The following ANO2 variants were observed in gnomAD, a reference collection of about 807,000 sequenced individuals.
ANO2 encodes the protein anoctamin 2, also known as anoctamin-2.
In ANO2, 101 loss-of-function variants were observed where a neutral mutation model predicts 124.2. That is an observed-to-expected ratio of 0.81 (90% confidence interval 0.69 to 0.96). The LOEUF is 0.96. ANO2 is among the 40% of genes least tolerant of loss of function. The probability of loss-of-function intolerance (pLI) is 0.00; values close to 1 mark genes in which losing one functional copy is unlikely to be tolerated. For missense variants in ANO2, 1,293 were observed against 1,274.5 expected, an observed-to-expected ratio of 1.01 and a Z score of -0.22; for synonymous variants, 486 against 482.5, an observed-to-expected ratio of 1.01 and a Z score of -0.09.
intron 3 of ANO2, among the ~76,000 whole-genome samples, chr12:5,857,556 A>G (rs1049652553): frequency 3.9e-5 from 6 of 152,038 alleles, no homozygotes; most frequent in African/African-American, 1.5e-4. Flanking sequence ...CTTTTTTATA[A>G]TAGCCATTCT....
At chr12:5,599,458 T>A (rs756263612) in intron 20 of ANO2, 26 bp downstream of exon 20, 2 of 1,580,662 alleles carry the variant, frequency 1.3e-6, no homozygotes, top group East Asian at 4.5e-5. Context: ...CTGCCCCCAG[T>A]GGAAGGCAGG....
chr12:5,754,057 C>A (rs1014399612), intron 10 of ANO2, among the ~76,000 whole-genome samples: 1 of 152,142 alleles, frequency 6.6e-6, no homozygotes, highest in African/African-American at 2.4e-5. Context: ...TCCTTCTATT[C>A]CTAATTCATT....
chr12:5,875,739 GAGGCT>G (rs1237036149), intron 3 of ANO2, among the ~76,000 whole-genome samples: 1 of 152,060 alleles, frequency 6.6e-6, no homozygotes, highest in Non-Finnish European at 1.5e-5. Flanking sequence ...TGAGCTCAGA[GAGGCT>G]ATGAATTGTT....
At chr12:5,743,512 C>T (rs770653467) in intron 12 of ANO2, among the ~76,000 whole-genome samples, 3 of 151,018 alleles carry the variant, frequency 2.0e-5, no homozygotes, top group Non-Finnish European at 4.4e-5. Flanking sequence ...TGTGTGTTTA[C>T]AGTCAGCTAC....
rs1342086648 is a variant in ANO2 at position 5,925,380 on chromosome 12, G to C, written c.23-2576C>G. Reference sequence around the variant, plus strand: ...CCCCCGGCTCGCTCTCTGACACACGGATCCGGCTGCCTGGGAACTCTGCTT... The same window carrying C: ...CCCCCGGCTCGCTCTCTGACACACGCATCCGGCTGCCTGGGAACTCTGCTT... On this transcript the variant is annotated intron_variant, in intron 1 of 24. Transcript: ENST00000682330. This position sits in a 1 kb window ranked among gnomAD's most constrained non-coding sequence, Gnocchi z 4.6. Among the ~76,000 whole-genome samples the C allele has an allele frequency of 6.6e-6, 1 of 152,186 alleles. No homozygotes were observed. Among genetic ancestry groups the C allele is most frequent in the Non-Finnish European group, 1.5e-5 (1 of 68,036 alleles).
At chr12:5,885,163 C>T (rs1231757766) in intron 3 of ANO2, among the ~76,000 whole-genome samples, 7 of 152,336 alleles carry the variant, frequency 4.6e-5, no homozygotes, top group South Asian at 2.1e-4. Flanking sequence ...GCCACCACCC[C>T]GTCCCCACTC....
At chr12:5,816,645 G>A (rs143916920) in intron 7 of ANO2, among the ~76,000 whole-genome samples, 214 of 152,260 alleles carry the variant, frequency 1.4e-3, no homozygotes, top group African/African-American at 4.8e-3. Context: ...GGCAAGTCAC[G>A]TATCCTCTTT....
chr12:5,599,661 C>T (rs200671099), intron 19 of ANO2, 32 bp from the exon 20 acceptor site: 307 of 1,610,188 alleles, frequency 1.9e-4, no homozygotes, highest in Admixed American at 3.9e-4. Context: ...TTACAAAAAG[C>T]CTCTGGAGAA....
intron 20 of ANO2, among the ~76,000 whole-genome samples, chr12:5,588,893 C>T (rs7308729): frequency 0.18 from 28,129 of 152,080 alleles, 2,784 homozygotes; most frequent in Non-Finnish European, 0.22. Context: ...AATTATACGA[C>T]GCCATGCCCT....
At chr12:5,672,659 A>G (rs1485110520) in intron 14 of ANO2, among the ~76,000 whole-genome samples, 1 of 152,174 alleles carries the variant, frequency 6.6e-6, no homozygotes, top group Non-Finnish European at 1.5e-5. Flanking sequence ...ACATATTTTC[A>G]CAAATAAGAA....
chr12:5,647,027 T>C (rs540965811), intron 15 of ANO2, among the ~76,000 whole-genome samples: 1 of 152,318 alleles, frequency 6.6e-6, no homozygotes, highest in South Asian at 2.1e-4. Context: ...CACACACTCC[T>C]TTGTAAAGCA....
chr12:5,709,347 G>A (rs1949725285), intron 14 of ANO2, among the ~76,000 whole-genome samples: 2 of 152,178 alleles, frequency 1.3e-5, no homozygotes, highest in African/African-American at 4.8e-5. Flanking sequence ...CTAAGTTCTG[G>A]GCTATGGAAC....
At chr12:5,650,215 C>T (rs1326453378) in intron 14 of ANO2, among the ~76,000 whole-genome samples, 1 of 151,954 alleles carries the variant, frequency 6.6e-6, no homozygotes, top group Admixed American at 6.6e-5. Flanking sequence ...TCAGAGACCA[C>T]CAAGGAAACA....
intron 10 of ANO2, among the ~76,000 whole-genome samples, chr12:5,763,529 T>C (rs144197111): frequency 1.4e-4 from 22 of 152,206 alleles, no homozygotes; most frequent in Non-Finnish European, 2.5e-4. Context: ...CCAACACTAA[T>C]AATTAGTACC....
intron 3 of ANO2, among the ~76,000 whole-genome samples, chr12:5,878,757 C>T (rs1244379948): frequency 6.6e-6 from 1 of 152,202 alleles, no homozygotes; most frequent in Admixed American, 6.5e-5. Flanking sequence ...TACAAACTTG[C>T]TGGAAACAGG....
chr12:5,607,166 C>A (rs1207634206), intron 19 of ANO2, among the ~76,000 whole-genome samples: 1 of 151,914 alleles, frequency 6.6e-6, no homozygotes, highest in African/African-American at 2.4e-5. Context: ...GTACTGCCCA[C>A]TAAAAGCCAC....
chr12:5,889,300 T>C (rs986898444), intron 3 of ANO2, among the ~76,000 whole-genome samples: 2 of 152,220 alleles, frequency 1.3e-5, no homozygotes, highest in African/African-American at 4.8e-5. Context: ...GCTCCCACAG[T>C]GCAGCAGCAG....
At chr12:5,673,550 A>G (rs1479065435) in intron 14 of ANO2, among the ~76,000 whole-genome samples, 1 of 152,202 alleles carries the variant, frequency 6.6e-6, no homozygotes, top group African/African-American at 2.4e-5. Context: ...AAATGGCCTA[A>G]CTGTACTAAA....
intron 10 of ANO2, among the ~76,000 whole-genome samples, chr12:5,780,565 C>T (rs1020047055): frequency 6.6e-6 from 1 of 152,158 alleles, no homozygotes; most frequent in Non-Finnish European, 1.5e-5. Flanking sequence ...TCAGTCATTC[C>T]TTTGATTTCA....
Sources: allele counts gnomAD v4.1 joint callset (sites outside exome capture counted in the v4.1 genomes callset), GRCh38; gene constraint gnomAD v4.1.1; non-coding constraint Gnocchi (gnomAD v3.1); transcripts MANE v1.5; gene names NCBI Gene and HGNC (gene_info 2026-07-23, HGNC 2026-07-21).